Variants in RCBTB1 observed in about 807,000 individuals in gnomAD.
RCBTB1 encodes the protein RCC1 and BTB domain-containing protein 1.
A neutral mutation model predicts 62.4 loss-of-function variants in RCBTB1; 46 were observed. The ratio of observed to expected loss-of-function variants is 0.74; its 90% CI spans 0.58 to 0.94. RCBTB1 has a LOEUF of 0.94. Among genes scored for constraint, RCBTB1 ranks in the 40% least tolerant of loss-of-function variants. The pLI is 0.00. For synonymous variants in RCBTB1, 222 were observed against 245.8 expected, an observed-to-expected ratio of 0.90 and a Z score of 0.91; for missense variants, 565 against 654.9, an observed-to-expected ratio of 0.86 and a Z score of 1.50.
intron 9 of RCBTB1, among the ~76,000 whole-genome samples, chr13:49,548,167 G>A (rs1240790800): frequency 3.3e-5 from 5 of 151,886 alleles, no homozygotes; most frequent in East Asian, 1.9e-4. Context: ...TGAGGCGGGC[G>A]GATCACGAGG....
At chr13:49,534,295 G>T (rs779770604) in intron 12 of RCBTB1, 33 bp from the exon 13 acceptor site, 2 of 1,596,276 alleles carry the variant, frequency 1.3e-6, no homozygotes, top group Non-Finnish European at 1.7e-6. Context: ...AACAAAAATG[G>T]CTTTTTTAGG....
At chr13:49,544,029 G>A (rs1295593560) in intron 10 of RCBTB1, among the ~76,000 whole-genome samples, 1 of 152,156 alleles carries the variant, frequency 6.6e-6, no homozygotes, top group Admixed American at 6.6e-5. Context: ...CTTAGAAACA[G>A]AAGCACAGCA....
chr13:49,541,219 G>A (rs1011495896), intron 11 of RCBTB1, among the ~76,000 whole-genome samples: 3 of 152,036 alleles, frequency 2.0e-5, no homozygotes, highest in Admixed American at 2.0e-4. Context: ...CTTCAATAGT[G>A]CAAAGAAAGA....
chr13:49,541,545 C>A, intron 11 of RCBTB1, 131 bp downstream of exon 11: 1 of 797,150 alleles, frequency 1.3e-6, no homozygotes, highest in Non-Finnish European at 1.9e-6. Context: ...TTTAAAGATA[C>A]TTACTTCAAA....
At chr13:49,547,041 G>A (rs767038965) in intron 9 of RCBTB1, 10 of 1,210,454 alleles carry the variant, frequency 8.3e-6, no homozygotes, top group Non-Finnish European at 9.4e-6. Flanking sequence ...TTTATAACAA[G>A]TCCAGGTTAA....
chr13:49,541,055 A>C (rs1960325063), intron 11 of RCBTB1, 49 bp from the exon 12 acceptor site: 8 of 1,551,992 alleles, frequency 5.2e-6, no homozygotes, highest in Middle Eastern at 1.7e-4. Context: ...AATAATTTCC[A>C]ATACACAGAG....
At position 49,540,956 on chromosome 13, in the gene RCBTB1, A is replaced by G; in HGVS notation, c.1375T>C (p.Cys459Arg). 6.2e-7 allele frequency: 1 copy of G among 1,613,674 alleles called. No individual in the cohort carries two copies. The highest frequency in any genetic ancestry group is 8.5e-7 in the Non-Finnish European group (1 of 1,180,012). ...SYCENRLKKL[C>R]QHIIKRGITV... Reference sequence around the variant, plus strand: ...ATTCCTCTCTTGATAATGTGCTGACAAAGTTTTTTCAGTCTGTTTTCACAG... The same window carrying G: ...ATTCCTCTCTTGATAATGTGCTGACGAAGTTTTTTCAGTCTGTTTTCACAG... Residue 459 changes from cysteine to arginine, a missense_variant, in exon 12 of 13, where the codon TGT (cysteine) becomes CGT (arginine). Cys to Arg is a radical substitution (Grantham distance 180, BLOSUM62 -3). Coordinates refer to ENST00000378302, the MANE Select transcript of RCBTB1 (RefSeq NM_018191.4).
chr13:49,545,045 T>C (rs1184218375), intron 9 of RCBTB1, among the ~76,000 whole-genome samples, 182 bp from the exon 10 acceptor site: 1 of 151,700 alleles, frequency 6.6e-6, no homozygotes, highest in Non-Finnish European at 1.5e-5. Context: ...ATCTATAAAC[T>C]ACCAAAGAAA....
intron 5 of RCBTB1, among the ~76,000 whole-genome samples, chr13:49,558,297 C>T (rs941690977): frequency 2.6e-5 from 4 of 152,154 alleles, no homozygotes; most frequent in Non-Finnish European, 5.9e-5. Flanking sequence ...TGGTGTCCTG[C>T]GCTGCCAGAA....
chr13:49,541,908 A>T lies in RCBTB1; in HGVS notation c.1173-81T>A, dbSNP rs1271148506. The stretch of plus-strand genomic sequence containing the variant: ...AAAAAATTACCTAATTAAGTTGATA[A>T]AATCAGATAAACAGAAGTATCCTTG... On this transcript the variant is annotated intron_variant, in intron 10 of 12. Coordinates refer to ENST00000378302, the MANE Select transcript of RCBTB1 (RefSeq NM_018191.4). 13 of 1,453,036 alleles carry T rather than the reference A, an allele frequency of 8.9e-6. 1 individual carries two copies. The highest frequency in any genetic ancestry group is 7.2e-5 in the African/African-American group (5 of 69,828). 90.0% of individuals were successfully genotyped at this position (1,453,036 alleles called of 1,614,324 possible). A position where few individuals can be genotyped will look rare whatever the true frequency, so the allele number is the denominator to read the frequency against.
At chr13:49,535,866 T>C (rs1841904599) in intron 12 of RCBTB1, among the ~76,000 whole-genome samples, 7 of 151,800 alleles carry the variant, frequency 4.6e-5, no homozygotes, top group Admixed American at 4.6e-4. Flanking sequence ...CTACTAAAAA[T>C]ACAAAAATTA....
chr13:49,571,387 CCG>C (rs1963390488), intron 2 of RCBTB1, among the ~76,000 whole-genome samples: 1 of 152,154 alleles, frequency 6.6e-6, no homozygotes, highest in Non-Finnish European at 1.5e-5. Flanking sequence ...AAAAAGCATT[CCG>C]CAAAATGCTT....
chr13:49,563,356 A>T (rs1365495009), intron 4 of RCBTB1, among the ~76,000 whole-genome samples: 1 of 16,926 alleles, frequency 5.9e-5, no homozygotes, highest in Non-Finnish European at 1.2e-4. Flanking sequence ...ACCCTGCCTC[A>T]AAAAAAAAAA....
chr13:49,544,145 G>A (rs1960613348), intron 10 of RCBTB1, among the ~76,000 whole-genome samples: 1 of 152,112 alleles, frequency 6.6e-6, no homozygotes, highest in African/African-American at 2.4e-5. Flanking sequence ...ATTTTCTGAT[G>A]GAAATGAGTA....
At chr13:49,564,961 A>C (rs1029151855) in intron 4 of RCBTB1, among the ~76,000 whole-genome samples, 1 of 152,002 alleles carries the variant, frequency 6.6e-6, no homozygotes, top group African/African-American at 2.4e-5. Context: ...CAGAACAAAG[A>C]CCAGTGAGCT....
intron 2 of RCBTB1, among the ~76,000 whole-genome samples, chr13:49,577,562 T>C (rs947159809): frequency 6.6e-5 from 10 of 152,198 alleles, no homozygotes; most frequent in Admixed American, 2.0e-4. Flanking sequence ...ATGCCACCAA[T>C]AGGGTATTCT....
chr13:49,563,236 C>CA (rs374141535), intron 4 of RCBTB1, among the ~76,000 whole-genome samples: 14 of 145,610 alleles, frequency 9.6e-5, no homozygotes, highest in African/African-American at 1.5e-4. Context: ...CTCATCTCTA[C>CA]AAAAAAATTT....
At chr13:49,577,814 CA>C (rs1200315013) in intron 2 of RCBTB1, among the ~76,000 whole-genome samples, 1 of 152,198 alleles carries the variant, frequency 6.6e-6, no homozygotes, top group Non-Finnish European at 1.5e-5. Flanking sequence ...CAAGCTACAG[CA>C]AGCTTTAAAC....
At chr13:49,534,843 G>A (rs1296944250) in intron 12 of RCBTB1, among the ~76,000 whole-genome samples, 2 of 152,132 alleles carry the variant, frequency 1.3e-5, no homozygotes, top group South Asian at 4.1e-4. Flanking sequence ...AGACCAGCCT[G>A]GCCAACATAG....
Sources: gnomAD v4.1 joint callset for allele counts (sites outside exome capture counted in the v4.1 genomes callset) on GRCh38, gnomAD v4.1.1 for gene constraint, MANE v1.5 for transcripts, NCBI Gene and HGNC (gene_info 2026-07-23, HGNC 2026-07-21) for gene names.